The following OTUD7A variants were observed in gnomAD, a reference collection of about 807,000 sequenced individuals.
OTUD7A encodes the protein OTU deubiquitinase 7A.
Under a neutral mutation model 65.7 loss-of-function variants are expected in OTUD7A, and 12 were observed. The observed-to-expected ratio is 0.18, with a 90% confidence interval of 0.12 to 0.30. The LOEUF (loss-of-function observed/expected upper bound fraction) is 0.30, where lower values mean the gene tolerates loss of function less well. Among genes scored for constraint, OTUD7A ranks in the 10% least tolerant of loss-of-function variants. The pLI is 1.00. For synonymous variants in OTUD7A, 641 were observed against 586.3 expected, an observed-to-expected ratio of 1.09 and a Z score of -1.35; for missense variants, 1,148 against 1,304.8, an observed-to-expected ratio of 0.88 and a Z score of 1.85.
At chr15:31,633,711 G>T (rs1891248596) in intron 3 of OTUD7A, among the ~76,000 whole-genome samples, 1 of 152,096 alleles carries the variant, frequency 6.6e-6, no homozygotes, top group Admixed American at 6.5e-5. Context: ...CCTGTAACTT[G>T]TGCCTACCTG....
At position 31,838,735 on chromosome 15, in the gene OTUD7A, T is replaced by C. The variant is rs534212078; in HGVS notation, c.-100+31772A>G. 2.4e-3 allele frequency among the ~76,000 whole-genome samples: 367 copies of C among 150,662 alleles called. 1 individual carries two copies. Among genetic ancestry groups the C allele is most frequent in the Admixed American group, 4.3e-3 (65 of 15,156 alleles). ...GATCCTGAGGGACCCCCATTACTCC[T>C]AAGTGATCTTGAGGGGCCCCCACTA... On this transcript the variant is annotated intron_variant, in intron 1 of 12. Transcript: ENST00000307050.
intron 1 of OTUD7A, among the ~76,000 whole-genome samples, chr15:31,818,315 T>C (rs978975866): frequency 1.3e-5 from 2 of 152,158 alleles, no homozygotes; most frequent in Non-Finnish European, 2.9e-5. Flanking sequence ...TCTAACTGTA[T>C]CTTTAAAAAA....
intron 6 of OTUD7A, among the ~76,000 whole-genome samples, chr15:31,528,823 G>A (rs2042050240): frequency 6.6e-6 from 1 of 152,250 alleles, no homozygotes; most frequent in African/African-American, 2.4e-5. Context: ...AATGTCATGT[G>A]GCAGCTTTGG....
chr15:31,857,427 C>T (rs1399049454), intron 1 of OTUD7A, among the ~76,000 whole-genome samples: 1 of 152,060 alleles, frequency 6.6e-6, no homozygotes, highest in Non-Finnish European at 1.5e-5. Context: ...CTCACCCAGG[C>T]CTGGCCTGGG....
intron 5 of OTUD7A, among the ~76,000 whole-genome samples, chr15:31,539,115 G>A (rs895938423): frequency 6.6e-6 from 1 of 152,208 alleles, no homozygotes; most frequent in Middle Eastern, 3.4e-3. Flanking sequence ...GTTATTCCTA[G>A]GTGGGGAGTG....
chr15:31,553,363 C>T (rs1888387625), intron 5 of OTUD7A, among the ~76,000 whole-genome samples: 1 of 152,084 alleles, frequency 6.6e-6, no homozygotes, highest in African/African-American at 2.4e-5. Context: ...AACTCATGCT[C>T]ACCACTGCAT....
chr15:31,779,692 C>T (rs903697986), intron 1 of OTUD7A, among the ~76,000 whole-genome samples: 5 of 152,076 alleles, frequency 3.3e-5, no homozygotes, highest in Admixed American at 1.3e-4. Context: ...TCCTGAACAT[C>T]GGCCTAGGTT....
intron 3 of OTUD7A, among the ~76,000 whole-genome samples, chr15:31,629,052 A>G (rs1194903180): frequency 2.0e-5 from 3 of 152,004 alleles, no homozygotes; most frequent in African/African-American, 7.3e-5. Flanking sequence ...GGACAATTTG[A>G]CTTCCTCTTT....
At chr15:31,646,890 C>T (rs539889423) in intron 3 of OTUD7A, among the ~76,000 whole-genome samples, 125 of 152,232 alleles carry the variant, frequency 8.2e-4, no homozygotes, top group Non-Finnish European at 1.5e-3. Flanking sequence ...AATTGATCAG[C>T]GTGACACAAG....
chr15:31,495,970 A>ATGGGAGGATCTGTTGAGCC lies in OTUD7A; in HGVS notation c.1171+5701_1171+5719dup, dbSNP rs1451310528. 4.0e-5 allele frequency among the ~76,000 whole-genome samples: 6 copies of ATGGGAGGATCTGTTGAGCC among 150,346 alleles called. No individual in the cohort carries two copies. In the East Asian group the frequency reaches 8.1e-4, roughly 20 times the overall value. On this transcript the variant is annotated intron_variant, in intron 10 of 12. Transcript: ENST00000307050. ...AGTCCCACCTACTCGGGAGGCTGAG[A>ATGGGAGGATCTGTTGAGCC]TGGGAGGATCTGTTGAGCCTGGGAG...
At chr15:31,713,999 C>T (rs1893517333) in intron 1 of OTUD7A, among the ~76,000 whole-genome samples, 1 of 144,354 alleles carries the variant, frequency 6.9e-6, no homozygotes, top group Admixed American at 7.2e-5. Flanking sequence ...AAAGATGTGA[C>T]GCAACCAGGG....
At chr15:31,729,405 G>A (rs1447756517) in intron 1 of OTUD7A, among the ~76,000 whole-genome samples, 1 of 152,172 alleles carries the variant, frequency 6.6e-6, no homozygotes, top group African/African-American at 2.4e-5. Flanking sequence ...ATAACAGCAT[G>A]GTGACTTCAA....
In OTUD7A at chr15:31,511,017, A is replaced by G. The variant is rs1458067567; in HGVS notation, c.894-7199T>C. Among the ~76,000 whole-genome samples, 3 of 22,284 alleles carry G rather than the reference A, an allele frequency of 1.3e-4. No individual in the cohort carries two copies. The South Asian group carries it at 2.2e-3, about 17-fold the overall frequency. 14.6% of individuals were successfully genotyped at this position (22,284 alleles called of 152,430 possible). Reference sequence around the variant, plus strand: ...ACATATGTATATCTATATGTAACATACATGTATATCTATATGTAACATACA... The same window carrying G: ...ACATATGTATATCTATATGTAACATGCATGTATATCTATATGTAACATACA... On this transcript the variant is annotated intron_variant, in intron 8 of 12. Transcript: ENST00000307050.
chr15:31,552,131 C>T (rs1263984539), intron 5 of OTUD7A, among the ~76,000 whole-genome samples: 1 of 152,138 alleles, frequency 6.6e-6, no homozygotes, highest in Non-Finnish European at 1.5e-5. Flanking sequence ...CTCTCTTGCT[C>T]CCCTTCACAT....
chr15:31,492,532 A>G (rs2141071218), intron 10 of OTUD7A, among the ~76,000 whole-genome samples: 1 of 151,500 alleles, frequency 6.6e-6, no homozygotes, highest in African/African-American at 2.4e-5. Context: ...GAGAGCCTGC[A>G]AGATCATGCC....
At chr15:31,653,246 C>G (rs999013281) in intron 3 of OTUD7A, among the ~76,000 whole-genome samples, 3 of 150,540 alleles carry the variant, frequency 2.0e-5, no homozygotes, top group Non-Finnish European at 2.9e-5. Flanking sequence ...GAGTGAGACT[C>G]TGTGTCACCA....
chr15:31,665,571 T>C (rs928476741), intron 1 of OTUD7A, among the ~76,000 whole-genome samples: 2 of 152,170 alleles, frequency 1.3e-5, no homozygotes, highest in African/African-American at 2.4e-5. Flanking sequence ...GAGGAGTCTT[T>C]AGGGTTTTCA....
chr15:31,663,362 G>A (rs1434343747), intron 1 of OTUD7A, among the ~76,000 whole-genome samples: 2 of 151,864 alleles, frequency 1.3e-5, no homozygotes, highest in Admixed American at 6.6e-5. Flanking sequence ...GTGCCATGGT[G>A]GTTTGTTGTA....
At chr15:31,598,306 T>A (rs66927628) in intron 3 of OTUD7A, among the ~76,000 whole-genome samples, 5,624 of 152,230 alleles carry the variant, frequency 0.037, 166 homozygotes, top group Middle Eastern at 0.078. Context: ...AGGTACAGGT[T>A]CATCTCATTG....
Sources: gnomAD v4.1 joint callset for allele counts (sites outside exome capture counted in the v4.1 genomes callset) on GRCh38, gnomAD v4.1.1 for gene constraint, MANE v1.5 for transcripts, NCBI Gene and HGNC (gene_info 2026-07-23, HGNC 2026-07-21) for gene names.